The following VPS13A variants were observed in gnomAD, a reference collection of about 807,000 sequenced individuals.
The protein encoded by VPS13A is vacuolar protein sorting 13 homolog A, also known as intermembrane lipid transfer protein VPS13A.
VPS13A carries 264 observed loss-of-function variants against 390.9 expected under a neutral mutation model. The observed-to-expected ratio is 0.68, with a 90% CI of 0.61 to 0.75. The LOEUF is 0.75. VPS13A is among the 30% of genes least tolerant of loss of function. The pLI is 0.00. For missense variants in VPS13A, 3,409 were observed against 3,733.9 expected (o/e 0.91, Z 2.27); for synonymous variants, 1,231 against 1,227.1 (o/e 1.00, Z -0.07).
intron 1 of VPS13A, chr9:77,178,031 G>C: frequency 3.9e-6 from 2 of 516,530 alleles, no homozygotes; most frequent in East Asian, 3.6e-5. Flanking sequence ...ATGAGTGCGG[G>C]ATGAAAAGGT....
Position 77,321,279 on chromosome 9 carries a change from C to G in VPS13A, c.5526C>G (p.Asn1842Lys). ...GTTTCCATTCAAAAGACCAATTAAA[C>G]ATTACATTATCCAAATGTGGTCTTG... Reference protein sequence around the residue: ...VISFHSKDQLNITLSKCGLVM... With the variant: ...VISFHSKDQLKITLSKCGLVM... Residue 1842 changes from asparagine to lysine, a missense_variant, in exon 43 of 72, where the codon AAC (asparagine) becomes AAG (lysine). Around this residue, in one of 5 missense-constraint regions of VPS13A, gnomAD observed 2,717 missense variants for 2,917.4 expected, o/e 0.93. Coordinates refer to ENST00000360280, the MANE Select transcript of VPS13A (RefSeq NM_033305.3). 1 of 1,610,292 alleles carries G rather than the reference C, an allele frequency of 6.2e-7. No individual in the cohort carries two copies. The highest frequency in any genetic ancestry group is 8.5e-7 in the Non-Finnish European group (1 of 1,177,614).
At chr9:77,370,857 T>C (rs1281993195) in intron 65 of VPS13A, 33 bp from the exon 66 acceptor site, 1 of 1,612,022 alleles carries the variant, frequency 6.2e-7, no homozygotes, top group Admixed American at 1.7e-5. Context: ...CATAAAAAAG[T>C]ATTGTAAATT....
At chr9:77,262,435 T>G (rs988666430) in intron 23 of VPS13A, among the ~76,000 whole-genome samples, 2 of 151,410 alleles carry the variant, frequency 1.3e-5, no homozygotes, top group East Asian at 1.9e-4. Flanking sequence ...GTAAAGAAGG[T>G]TTTTTTTTAT....
chr9:77,186,881 A>G (rs966320293), intron 1 of VPS13A, among the ~76,000 whole-genome samples: 8 of 152,198 alleles, frequency 5.3e-5, no homozygotes, highest in African/African-American at 9.6e-5. Context: ...CCGTTAAGCA[A>G]TGACTACCCA....
At chr9:77,203,778 G>GT (rs1370419847) in intron 3 of VPS13A, among the ~76,000 whole-genome samples, 1 of 152,224 alleles carries the variant, frequency 6.6e-6, no homozygotes, top group African/African-American at 2.4e-5. Flanking sequence ...ATTTGTTACA[G>GT]TTTTTTCACA....
chr9:77,407,287 C>A (rs1415178941), intron 70 of VPS13A, among the ~76,000 whole-genome samples: 1 of 152,142 alleles, frequency 6.6e-6, no homozygotes, highest in Non-Finnish European at 1.5e-5. Context: ...ATGGCATTAG[C>A]AATTAAAATA....
At chr9:77,266,297 T>A (rs934092026) in intron 23 of VPS13A, among the ~76,000 whole-genome samples, 2 of 152,226 alleles carry the variant, frequency 1.3e-5, no homozygotes, top group Admixed American at 6.5e-5. Context: ...GTTCTGTAGA[T>A]GTCTATTAGG....
intron 26 of VPS13A, among the ~76,000 whole-genome samples, chr9:77,279,359 G>A (rs1032004801): frequency 3.3e-5 from 5 of 151,984 alleles, no homozygotes; most frequent in East Asian, 1.9e-4. Context: ...GCGTCCGGAC[G>A]TCCACGTCCT....
chr9:77,337,367 A>G lies in VPS13A; in HGVS notation c.6208A>G (p.Lys2070Glu), dbSNP rs1830593641. ...TCTTCTAAAGAAGAAATGTAGATCT[A>G]AAAACCCTTCTAAGGAATCATTTCT... ...GALLKKKCRS[K>E]NPSKESFLIN... The change falls in exon 47 of 72, where the codon AAA (lysine) becomes GAA (glutamate). Residue 2070 changes from lysine to glutamate, a missense_variant. Coordinates refer to ENST00000360280, the MANE Select transcript of VPS13A (RefSeq NM_033305.3). The G allele has an allele frequency of 1.2e-6, 2 of 1,612,556 alleles. No individual in the cohort carries two copies. Among genetic ancestry groups the G allele is most frequent in the African/African-American group, 1.3e-5 (1 of 74,812 alleles).
chr9:77,185,465 T>C (rs1824274841), intron 1 of VPS13A, among the ~76,000 whole-genome samples: 2 of 152,166 alleles, frequency 1.3e-5, no homozygotes, highest in South Asian at 4.1e-4. Context: ...TCTAGGTAGA[T>C]AGTGTCATTA....
chr9:77,283,400 T>C lies in VPS13A; in HGVS notation c.3164T>C (p.Leu1055Ser). The change falls in exon 30 of 72, where the codon TTA (leucine) becomes TCA (serine). Residue 1055 changes from leucine (L) to serine (S), a missense_variant. Around this residue, in one of 5 missense-constraint regions of VPS13A, gnomAD observed 2,717 missense variants for 2,917.4 expected, o/e 0.93. Transcript: ENST00000360280. ...GAAGATATCATTACTTTGCAGATTT[T>C]AGCAGAATTATCGTGTTTACAGATC... ...TNEDIITLQILAELSCLQIFI... is the reference protein window; with the variant it reads ...TNEDIITLQISAELSCLQIFI... The C allele has an allele frequency of 6.2e-7, 1 of 1,608,426 alleles. No homozygotes were observed. Among genetic ancestry groups the C allele is most frequent in the Non-Finnish European group, 8.5e-7 (1 of 1,175,550 alleles).
At chr9:77,307,219 C>T (rs1828808724) in intron 34 of VPS13A, among the ~76,000 whole-genome samples, 1 of 152,110 alleles carries the variant, frequency 6.6e-6, no homozygotes, top group Admixed American at 6.5e-5. Context: ...ATTATTAGCT[C>T]TTTGAGTTAG....
At chr9:77,351,846 C>T (rs1014096233) in intron 53 of VPS13A, among the ~76,000 whole-genome samples, 1 of 151,890 alleles carries the variant, frequency 6.6e-6, no homozygotes, top group Non-Finnish European at 1.5e-5. Flanking sequence ...TCCAGCCTGG[C>T]GACAGAGCAA....
chr9:77,283,645 A>G lies in VPS13A; in HGVS notation c.3334A>G (p.Lys1112Glu). ...VLDSDITAIY[K>E]KAVYITGKEV... ...AGATTCTGATATAACAGCTATATAC[A>G]AAAAGGTAAGAATTCTTTTAATTAA... The change falls in exon 31 of 72, where the codon AAA (lysine) becomes GAA (glutamate). Residue 1112 changes from lysine (K) to glutamate (E), a missense_variant. Coordinates refer to ENST00000360280, the MANE Select transcript of VPS13A (RefSeq NM_033305.3). 1 of 1,599,210 alleles carries G rather than the reference A, an allele frequency of 6.3e-7. No individual in the cohort carries two copies. The highest frequency in any genetic ancestry group is 8.6e-7 in the Non-Finnish European group (1 of 1,168,440).
intron 19 of VPS13A, among the ~76,000 whole-genome samples, chr9:77,242,325 TCTAA>T (rs1437665397): frequency 3.9e-5 from 6 of 152,304 alleles, no homozygotes; most frequent in Admixed American, 6.5e-5. Context: ...TCAGGAAATG[TCTAA>T]CTAGTTGTCT....
At chr9:77,306,421 T>A (rs916310200) in intron 34 of VPS13A, among the ~76,000 whole-genome samples, 32 of 145,838 alleles carry the variant, frequency 2.2e-4, no homozygotes, top group Non-Finnish European at 3.6e-4. Flanking sequence ...TGTTTGTGTG[T>A]GTGTGTGTGT....
chr9:77,274,099 T>G (rs1375475162), intron 24 of VPS13A, among the ~76,000 whole-genome samples: 1 of 152,204 alleles, frequency 6.6e-6, no homozygotes, highest in Non-Finnish European at 1.5e-5. Flanking sequence ...AAGTTGCTTT[T>G]GCAATGGGAT....
intron 62 of VPS13A, among the ~76,000 whole-genome samples, chr9:77,368,372 GAAAT>G (rs2131583603): frequency 6.6e-6 from 1 of 152,198 alleles, no homozygotes; most frequent in Admixed American, 6.5e-5. Flanking sequence ...AGCAGGACTG[GAAAT>G]AAATAAATCT....
Position 77,318,320 on chromosome 9 carries a change from C to A in VPS13A, c.5042C>A (p.Ser1681Tyr). ...GAAACCATCCCAGAAGAAACGGCTT[C>A]TTCTACTGCACATTTATGGGAAAAG... ...TKETIPEETASSTAHLWEKKD... is the reference protein window; with the variant it reads ...TKETIPEETAYSTAHLWEKKD... The change falls in exon 41 of 72, where the codon TCT (serine) becomes TAT (tyrosine). Residue 1681 changes from serine (S) to tyrosine (Y), a missense_variant. Ser to Tyr is a moderately radical substitution (Grantham distance 144). Around this residue, in one of 5 missense-constraint regions of VPS13A, gnomAD observed 2,717 missense variants for 2,917.4 expected, o/e 0.93. Coordinates refer to ENST00000360280, the MANE Select transcript of VPS13A (RefSeq NM_033305.3). 6.2e-7 allele frequency: 1 copy of A among 1,612,360 alleles called. No individual in the cohort carries two copies. The highest frequency in any genetic ancestry group is 8.5e-7 in the Non-Finnish European group (1 of 1,179,606).
Sources: allele counts gnomAD v4.1 joint callset (sites outside exome capture counted in the v4.1 genomes callset), GRCh38; gene constraint gnomAD v4.1.1; regional missense constraint gnomAD v4.1.1; transcripts MANE v1.5; gene names NCBI Gene and HGNC (gene_info 2026-07-23, HGNC 2026-07-21).